The following SEMA5A variants were observed in gnomAD, a reference collection of about 807,000 sequenced individuals.
The protein encoded by SEMA5A is semaphorin 5A.
In SEMA5A, 55 loss-of-function variants were observed where a neutral mutation model predicts 135.5. The ratio of observed to expected loss-of-function variants is 0.41; its 90% CI spans 0.33 to 0.51. The LOEUF is 0.51. Ranked by LOEUF, SEMA5A falls within the 20% of genes least tolerant of loss-of-function variation. SEMA5A has a pLI of 0.37. For synonymous variants in SEMA5A, 580 were observed against 546.5 expected (o/e 1.06, Z -0.85); for missense variants, 1,290 against 1,419.9 (o/e 0.91, Z 1.47).
At chr5:9,516,463 C>T (rs575490765) in intron 1 of SEMA5A, 1 of 109,250 alleles carries the variant, frequency 9.2e-6, no homozygotes, top group South Asian at 2.8e-4. Context: ...GTGAACTACC[C>T]GTATAGTCAG....
At chr5:9,239,857 GTTCTC>G (rs1221067549) in intron 5 of SEMA5A, among the ~76,000 whole-genome samples, 2 of 151,974 alleles carry the variant, frequency 1.3e-5, no homozygotes. Flanking sequence ...AAATAATAAT[GTTCTC>G]TTCTATAAAC....
intron 1 of SEMA5A, among the ~76,000 whole-genome samples, chr5:9,449,775 C>T (rs1758567721): frequency 6.6e-6 from 1 of 152,144 alleles, no homozygotes; most frequent in Non-Finnish European, 1.5e-5. Context: ...AGATACCACA[C>T]ACACAGAAGG....
chr5:9,220,867 A>G (rs112003190), intron 8 of SEMA5A, among the ~76,000 whole-genome samples: 4 of 152,232 alleles, frequency 2.6e-5, no homozygotes, highest in African/African-American at 9.6e-5. Context: ...GGAGAACCAC[A>G]GCAGCGCCGC....
At position 9,144,957 on chromosome 5, in the gene SEMA5A, G is replaced by A. The variant is rs756562251; in HGVS notation, c.1482-8336C>T. Among the ~76,000 whole-genome samples the A allele has an allele frequency of 5.9e-5, 9 of 152,202 alleles. No individual in the cohort carries two copies. In the East Asian group the frequency reaches 7.7e-4, roughly 13 times the overall value. On this transcript the variant is annotated intron_variant, in intron 12 of 22. Transcript: ENST00000382496. Reference sequence around the variant, plus strand: ...GGTCAGTTTACCTTCAGTTTAGTCCGGAGACCATGAGAAGTATATGTGGGC... The same window carrying A: ...GGTCAGTTTACCTTCAGTTTAGTCCAGAGACCATGAGAAGTATATGTGGGC...
At chr5:9,095,390 G>A (rs1739260815) in intron 16 of SEMA5A, among the ~76,000 whole-genome samples, 1 of 152,114 alleles carries the variant, frequency 6.6e-6, no homozygotes, top group Non-Finnish European at 1.5e-5. Context: ...AGAACTTAAA[G>A]TATCATAAAA....
chr5:9,162,564 G>GTATATATATA lies in SEMA5A; in HGVS notation c.1274-7879_1274-7870dup, dbSNP rs779776274. ...TGTGTGTATATATGTGTGTGTGTGTGTATATATATATATATATATATACAC... is the reference window on the plus strand; with the variant it reads ...TGTGTGTATATATGTGTGTGTGTGTGTATATATATATATATATATATATATATATATACAC... On this transcript the variant is annotated intron_variant, in intron 11 of 22. Coordinates refer to ENST00000382496, the MANE Select transcript of SEMA5A (RefSeq NM_003966.3). Among the ~76,000 whole-genome samples the GTATATATATA allele has an allele frequency of 8.0e-4, 67 of 84,044 alleles. No homozygotes were observed. In the East Asian group the frequency reaches 8.8e-3, roughly 11 times the overall value. 55.1% of individuals were successfully genotyped at this position (84,044 alleles called of 152,430 possible).
At chr5:9,533,401 T>G (rs948557909) in intron 1 of SEMA5A, among the ~76,000 whole-genome samples, 1 of 152,208 alleles carries the variant, frequency 6.6e-6, no homozygotes, top group African/African-American at 2.4e-5. Context: ...CACTTTAGTG[T>G]AAAAGGTTAC....
At chr5:9,397,168 T>C (rs796166689) in intron 2 of SEMA5A, among the ~76,000 whole-genome samples, 8 of 152,228 alleles carry the variant, frequency 5.3e-5, no homozygotes, top group South Asian at 2.1e-4. Context: ...CTCAACTCTA[T>C]GTACAGCACA....
chr5:9,148,274 A>G (rs1446890592), intron 12 of SEMA5A, among the ~76,000 whole-genome samples: 1 of 152,226 alleles, frequency 6.6e-6, no homozygotes, highest in Admixed American at 6.5e-5. Flanking sequence ...TTTATTCAAA[A>G]GGTAGATGAT....
At chr5:9,131,214 GC>G (rs1406141501) in intron 13 of SEMA5A, among the ~76,000 whole-genome samples, 1 of 152,174 alleles carries the variant, frequency 6.6e-6, no homozygotes, top group African/African-American at 2.4e-5. Context: ...GCTGGCATCT[GC>G]CTCTGGTCCT....
chr5:9,142,442 T>G (rs978304709), intron 12 of SEMA5A, among the ~76,000 whole-genome samples: 1 of 152,122 alleles, frequency 6.6e-6, no homozygotes, highest in South Asian at 2.1e-4. Flanking sequence ...CACTAAAGAT[T>G]GAGGGTTTCC....
At chr5:9,533,196 T>G (rs1737554721) in intron 1 of SEMA5A, among the ~76,000 whole-genome samples, 1 of 152,220 alleles carries the variant, frequency 6.6e-6, no homozygotes, top group East Asian at 1.9e-4. Flanking sequence ...ATTGGAAATA[T>G]TCCACCACAG....
chr5:9,452,847 G>A (rs775382838), intron 1 of SEMA5A, among the ~76,000 whole-genome samples: 10 of 152,126 alleles, frequency 6.6e-5, no homozygotes, highest in South Asian at 4.1e-4. Context: ...ATGCCATCAG[G>A]AGGGCAGGCA....
chr5:9,250,116 C>T (rs2150486089), intron 5 of SEMA5A, among the ~76,000 whole-genome samples: 1 of 152,226 alleles, frequency 6.6e-6, no homozygotes, highest in Non-Finnish European at 1.5e-5. Flanking sequence ...AGCAGTGTGG[C>T]TGTAGTGGTG....
intron 5 of SEMA5A, among the ~76,000 whole-genome samples, chr5:9,297,450 C>T (rs1255575849): frequency 1.3e-5 from 2 of 152,150 alleles, no homozygotes; most frequent in African/African-American, 4.8e-5. Flanking sequence ...CTCAGTCAGT[C>T]GCCACTTCCA....
intron 1 of SEMA5A, among the ~76,000 whole-genome samples, chr5:9,544,876 C>T (rs1167969465): frequency 6.6e-6 from 1 of 152,186 alleles, no homozygotes; most frequent in Non-Finnish European, 1.5e-5. Context: ...TGGGAGAAAC[C>T]ATTCCCTCTG....
At chr5:9,509,570 C>T (rs1206469231) in intron 1 of SEMA5A, among the ~76,000 whole-genome samples, 5 of 152,080 alleles carry the variant, frequency 3.3e-5, no homozygotes, top group Non-Finnish European at 7.4e-5. Flanking sequence ...CCACCATGCC[C>T]GGCCCCAACA....
intron 8 of SEMA5A, among the ~76,000 whole-genome samples, chr5:9,218,526 T>C (rs1746760308): frequency 6.6e-6 from 1 of 152,248 alleles, no homozygotes; most frequent in Non-Finnish European, 1.5e-5. Context: ...ATACACAATT[T>C]AATCACAGTT....
intron 13 of SEMA5A, among the ~76,000 whole-genome samples, chr5:9,123,177 T>G: frequency 7.4e-6 from 1 of 135,006 alleles, no homozygotes; most frequent in African/African-American, 2.8e-5. Flanking sequence ...TGGTGTGGTG[T>G]GAACCCGGGA....
Sources: gnomAD v4.1 joint callset for allele counts (sites outside exome capture counted in the v4.1 genomes callset) on GRCh38, gnomAD v4.1.1 for gene constraint, MANE v1.5 for transcripts, NCBI Gene and HGNC (gene_info 2026-07-23, HGNC 2026-07-21) for gene names.